ZNF517: variants seen among roughly 807,000 people sequenced by gnomAD.
ZNF517 encodes the protein zinc finger protein 517.
ZNF517 carries 12 observed loss-of-function variants against 12.1 expected under a neutral mutation model. That is an observed-to-expected ratio of 0.99 (90% CI 0.63 to 1.61). The LOEUF (loss-of-function observed/expected upper bound fraction) is 1.61. Ranked by LOEUF, ZNF517 falls within the 40% of genes most tolerant of loss-of-function variation. The pLI, the probability that ZNF517 is intolerant of heterozygous loss-of-function variation, is 0.00. For synonymous variants in ZNF517, 388 were observed against 310.2 expected, an observed-to-expected ratio of 1.25 and a Z score of -2.63; for missense variants, 781 against 693.2, an observed-to-expected ratio of 1.13 and a Z score of -1.42.
chr8:144,808,211 C>T lies in ZNF517; in HGVS notation c.1295C>T (p.Ala432Val), dbSNP rs1255369718. The T allele has an allele frequency of 5.0e-6, 8 of 1,607,230 alleles. No homozygotes were observed. The highest frequency in any genetic ancestry group is 6.8e-6 in the Non-Finnish European group (8 of 1,176,402). ...KPFACTECGK[A>V]FRRSYTLNEH... is the part of the protein sequence containing the mutation. ...TTCGCGTGCACCGAGTGCGGCAAGG[C>T]GTTCCGCAGGAGCTACACGCTGAAC... Residue 432 changes from alanine to valine, a missense_variant, in exon 5 of 5, where the codon GCG becomes GTG. Physicochemically the swap from Ala to Val is moderately conservative, Grantham distance 64. Transcript: ENST00000359971.
At chr8:144,801,072 G>A (rs920858105) in intron 1 of ZNF517, among the ~76,000 whole-genome samples, 2 of 152,098 alleles carry the variant, frequency 1.3e-5, no homozygotes, top group African/African-American at 4.8e-5. Context: ...CAAATGATCC[G>A]CCCTCATCGG....
rs372702095 is a variant in ZNF517, at chr8:144,803,024, C to G, written c.33+77C>G. ...GCCTCAGCTTTTCAGCCCTGAGAAC[C>G]TTACAGCTTGCCTCACACCCACCCA... On this transcript the variant is annotated intron_variant, in intron 2 of 4. Coordinates refer to ENST00000359971, the MANE Select transcript of ZNF517 (RefSeq NM_213605.3). The G allele has an allele frequency of 1.2e-5, 19 of 1,585,948 alleles. No individual in the cohort carries two copies. The East Asian group carries it at 2.0e-4, about 17-fold the overall frequency.
At position 144,806,259 on chromosome 8, in the gene ZNF517, C is replaced by T. The variant is rs534638876; in HGVS notation, c.275-932C>T. On this transcript the variant is annotated intron_variant, in intron 4 of 4. Coordinates refer to ENST00000359971, the MANE Select transcript of ZNF517 (RefSeq NM_213605.3). Reference sequence around the variant, plus strand: ...CACCTGCTCTACGCACCTGCCCAGACATGTTTGCTGAGTGCAGGAACTGTG... The same window carrying T: ...CACCTGCTCTACGCACCTGCCCAGATATGTTTGCTGAGTGCAGGAACTGTG... Among the ~76,000 whole-genome samples, 88 of 152,292 alleles carry T rather than the reference C, an allele frequency of 5.8e-4. 2 individuals carry two copies. Among genetic ancestry groups the T allele is most frequent in the Non-Finnish European group, 9.8e-4 (67 of 68,024 alleles).
At chr8:144,810,581 G>T (rs112749630), downstream of ZNF517, 4,331 of 225,240 alleles carry the variant, frequency 0.019, 162 homozygotes, top group African/African-American at 0.084. Context: ...AAAGCACGAA[G>T]GTCAGGGCCA....
At chr8:144,801,402 G>A (rs1826952545) in intron 1 of ZNF517, among the ~76,000 whole-genome samples, 1 of 152,056 alleles carries the variant, frequency 6.6e-6, no homozygotes, top group Non-Finnish European at 1.5e-5. Flanking sequence ...GCATGATCTC[G>A]GTTCACTGCA....
At chr8:144,810,465 C>T (rs936927497), downstream of ZNF517, 7 of 409,832 alleles carry the variant, frequency 1.7e-5, no homozygotes, top group Non-Finnish European at 3.1e-5. Flanking sequence ...ATCCACCCTC[C>T]AGAGAACAAG....
Position 144,809,892 on chromosome 8 carries a change from A to G in ZNF517, c.*1497A>G, listed in dbSNP as rs987524475. On this transcript the variant is annotated 3_prime_UTR_variant, in exon 5 of 5. Coordinates refer to ENST00000359971, the MANE Select transcript of ZNF517 (RefSeq NM_213605.3). ...CATGGTGAGACCCCCGTCTCTACTA[A>G]AAGTACAAAAAGTAGCTGGGTGTGG... The G allele has an allele frequency of 5.8e-6, 2 of 345,040 alleles. No individual in the cohort carries two copies. The highest frequency in any genetic ancestry group is 1.0e-5 in the Non-Finnish European group (2 of 190,638). The allele number at this position is 345,040 out of a possible 1,614,324, so 21.4% of individuals were successfully genotyped here.
At chr8:144,804,080 C>A in intron 3 of ZNF517, 45 bp from the exon 4 acceptor site, 1 of 1,579,602 alleles carries the variant, frequency 6.3e-7, no homozygotes, top group Non-Finnish European at 8.7e-7. Context: ...GGCGTCCCTT[C>A]TCCCTCCTGT....
chr8:144,803,977 C>T, intron 3 of ZNF517, 148 bp from the exon 4 acceptor site: 2 of 1,060,760 alleles, frequency 1.9e-6, no homozygotes, highest in Non-Finnish European at 2.7e-6. Context: ...CCCCATCTCC[C>T]CCTGGCCACC....
downstream of ZNF517, chr8:144,810,482 G>A: frequency 2.5e-6 from 1 of 395,400 alleles, no homozygotes; most frequent in Non-Finnish European, 4.5e-6. Context: ...CAAGAATCCT[G>A]GGCAGTAGCC....
Position 144,807,652 on chromosome 8 carries a change from A to T in ZNF517, c.736A>T (p.Thr246Ser). Residue 246 changes from threonine (T) to serine (S), a missense_variant, in exon 5 of 5, where the codon ACG becomes TCG. Physicochemically the swap from Thr to Ser is moderately conservative, Grantham distance 58. Transcript: ENST00000359971. The part of the protein sequence containing the change: ...GECGKAFRQS[T>S]QLAAHHRVHT... ...GTGCGGGAAGGCCTTCCGGCAGAGC[A>T]CGCAGCTGGCTGCCCACCACCGCGT... 1.2e-6 allele frequency: 2 copies of T among 1,606,612 alleles called. No homozygotes were observed. The highest frequency in any genetic ancestry group is 1.7e-6 in the Non-Finnish European group (2 of 1,178,164).
intron 3 of ZNF517, 123 bp downstream of exon 3, chr8:144,803,890 A>G (rs1351481841): frequency 4.3e-6 from 6 of 1,397,594 alleles, no homozygotes. Context: ...AGGCTCCCCA[A>G]GGAGCCCCTC....
At chr8:144,812,561 G>C (rs921096800), downstream of ZNF517, among the ~76,000 whole-genome samples, 4 of 152,260 alleles carry the variant, frequency 2.6e-5, no homozygotes, top group African/African-American at 4.8e-5. Context: ...AGCAAGGGCA[G>C]TGCCATCCTC....
At chr8:144,810,250 CT>C, downstream of ZNF517, 1 of 658,970 alleles carries the variant, frequency 1.5e-6, no homozygotes, top group Non-Finnish European at 2.8e-6. Flanking sequence ...CCTGTCACCC[CT>C]AACAGATGAA....
At chr8:144,812,085 G>A (rs563108883), downstream of ZNF517, among the ~76,000 whole-genome samples, 9 of 136,932 alleles carry the variant, frequency 6.6e-5, no homozygotes, top group East Asian at 6.9e-4. Flanking sequence ...CAGGGTGGGA[G>A]AGACACCGAC....
rs778423974 is a variant in ZNF517, at chr8:144,807,676, G to A, written c.760G>A (p.Val254Ile). The A allele has an allele frequency of 1.7e-5, 27 of 1,605,610 alleles. No individual in the cohort carries two copies. Among genetic ancestry groups the A allele is most frequent in the Non-Finnish European group, 5.9e-6 (7 of 1,177,722 alleles). ...CACGCAGCTGGCTGCCCACCACCGC[G>A]TCCACACCCGCGAGCGGCCCTACGC... is the stretch of plus-strand genomic sequence containing the variant. ...QSTQLAAHHR[V>I]HTRERPYACG... Residue 254 changes from valine (V) to isoleucine (I), a missense_variant, in exon 5 of 5, where the codon GTC becomes ATC. Coordinates refer to ENST00000359971, the MANE Select transcript of ZNF517 (RefSeq NM_213605.3).
intron 1 of ZNF517, among the ~76,000 whole-genome samples, chr8:144,799,348 C>G (rs1826828052): frequency 6.6e-6 from 1 of 152,210 alleles, no homozygotes; most frequent in African/African-American, 2.4e-5. Flanking sequence ...ATTTACCCTG[C>G]GCAGTTTTGC....
chr8:144,809,335 A>G lies in ZNF517; in HGVS notation c.*940A>G, dbSNP rs1827465423. On this transcript the variant is annotated 3_prime_UTR_variant, in exon 5 of 5. Coordinates refer to ENST00000359971, the MANE Select transcript of ZNF517 (RefSeq NM_213605.3). ...CCTCCTGAGTAGCTGGGACTAAGGC[A>G]CACACACTGTACTTGGCAGCTGGCG... 1.3e-5 allele frequency: 2 copies of G among 151,902 alleles called. No individual in the cohort carries two copies. Among genetic ancestry groups the G allele is most frequent in the Admixed American group, 1.3e-4 (2 of 15,262 alleles). The allele number at this position is 151,902 out of a possible 1,614,324, so 9.4% of individuals were successfully genotyped here. A position where few individuals can be genotyped will look rare whatever the true frequency, so the allele number is the denominator to read the frequency against.
rs1827283388 is a variant in ZNF517 at position 144,807,366 on chromosome 8, C to T, written c.450C>T (p.His150=). 3.2e-6 allele frequency: 5 copies of T among 1,554,538 alleles called. No individual in the cohort carries two copies. Among genetic ancestry groups the T allele is most frequent in the Non-Finnish European group, 3.5e-6 (4 of 1,148,834 alleles). ...GPEDGSDKPT[H]PRAREHSASP... Reference sequence around the variant, plus strand: ...AGGACGGGTCAGATAAACCCACCCACCCCCGGGCTCGGGAGCACAGCGCCT... The same window carrying T: ...AGGACGGGTCAGATAAACCCACCCATCCCCGGGCTCGGGAGCACAGCGCCT... Residue 150 remains histidine (H), a synonymous_variant, in exon 5 of 5, where the codon CAC becomes CAT. Transcript: ENST00000359971.
Sources: gnomAD v4.1 joint callset for allele counts (sites outside exome capture counted in the v4.1 genomes callset) on GRCh38, gnomAD v4.1.1 for gene constraint, MANE v1.5 for transcripts, NCBI Gene and HGNC (gene_info 2026-07-23, HGNC 2026-07-21) for gene names.